Variants in CNTNAP2 observed in about 807,000 individuals in gnomAD.
CNTNAP2 encodes the protein contactin associated protein 2.
Under a neutral mutation model 155.2 loss-of-function variants are expected in CNTNAP2, and 98 were observed. The ratio of observed to expected loss-of-function variants is 0.63; its 90% confidence interval spans 0.54 to 0.75. The LOEUF (loss-of-function observed/expected upper bound fraction) is 0.75. Among genes scored for constraint, CNTNAP2 ranks in the 30% least tolerant of loss-of-function variants. CNTNAP2 has a pLI of 0.00. For missense variants in CNTNAP2, 1,727 were observed against 1,688.1 expected (o/e 1.02, Z -0.40); for synonymous variants, 651 against 631.2 (o/e 1.03, Z -0.47).
chr7:146,550,310 C>T (rs1463126675), intron 1 of CNTNAP2, among the ~76,000 whole-genome samples: 1 of 144,528 alleles, frequency 6.9e-6, no homozygotes, highest in Admixed American at 7.0e-5. Flanking sequence ...TCATCATTGA[C>T]ATTAAAAGGA....
intron 14 of CNTNAP2, among the ~76,000 whole-genome samples, chr7:147,944,790 A>G (rs1304400248): frequency 6.6e-6 from 1 of 152,172 alleles, no homozygotes; most frequent in Admixed American, 6.5e-5. Context: ...TTTGACAATA[A>G]CAAATTATTT....
intron 20 of CNTNAP2, among the ~76,000 whole-genome samples, chr7:148,253,025 G>GATAC (rs1423178088): frequency 7.4e-6 from 1 of 134,454 alleles, no homozygotes; most frequent in Non-Finnish European, 1.6e-5. Flanking sequence ...TAGATAGATA[G>GATAC]ATAGATAGAT....
intron 14 of CNTNAP2, among the ~76,000 whole-genome samples, chr7:147,956,495 G>A (rs993225363): frequency 2.6e-5 from 4 of 152,162 alleles, no homozygotes; most frequent in African/African-American, 9.6e-5. Flanking sequence ...CAATTAGTCT[G>A]AGAAGCCCAT....
At chr7:147,873,327 A>G (rs1328120122) in intron 13 of CNTNAP2, among the ~76,000 whole-genome samples, 1 of 152,230 alleles carries the variant, frequency 6.6e-6, no homozygotes, top group African/African-American at 2.4e-5. Context: ...GACATACCTA[A>G]GACTGGGTAA....
chr7:147,913,644 C>T (rs1469562501), intron 14 of CNTNAP2, among the ~76,000 whole-genome samples: 3 of 152,212 alleles, frequency 2.0e-5, no homozygotes, highest in African/African-American at 7.2e-5. Context: ...TAATACGAGA[C>T]AGAAGGTACT....
rs1280154794 is a variant in CNTNAP2 at position 147,583,531 on chromosome 7, T to TATATATATATATATAA, written c.1897+21275_1897+21276insTATATATATATATAAA. ...ATATATATATATATATATATATATA[T>TATATATATATATATAA]AATGTCAAACAGATTAAAATTAGTT... On this transcript the variant is annotated intron_variant, in intron 12 of 23. Transcript: ENST00000361727. Among the ~76,000 whole-genome samples the TATATATATATATATAA allele has an allele frequency of 2.5e-3, 352 of 140,534 alleles. 1 individual carries two copies. Among genetic ancestry groups the TATATATATATATATAA allele is most frequent in the African/African-American group, 8.9e-3 (336 of 37,806 alleles). The allele number at this position is 140,534 out of a possible 152,430, so 92.2% of individuals were successfully genotyped here. A position where few individuals can be genotyped will look rare whatever the true frequency, so the allele number is the denominator to read the frequency against.
At chr7:147,098,092 G>A (rs1179331193) in intron 4 of CNTNAP2, among the ~76,000 whole-genome samples, 1 of 152,156 alleles carries the variant, frequency 6.6e-6, no homozygotes, top group Non-Finnish European at 1.5e-5. Context: ...TGCCAACACT[G>A]TAAGAACATC....
intron 1 of CNTNAP2, among the ~76,000 whole-genome samples, chr7:146,363,608 C>A (rs141512408): frequency 6.6e-6 from 1 of 152,070 alleles, no homozygotes; most frequent in Admixed American, 6.6e-5. Context: ...GGGGAGAGTC[C>A]TAAGACAAAA....
At chr7:146,977,871 G>A (rs1797942695) in intron 3 of CNTNAP2, among the ~76,000 whole-genome samples, 1 of 152,120 alleles carries the variant, frequency 6.6e-6, no homozygotes, top group Admixed American at 6.6e-5. Flanking sequence ...ATGGAAGAGA[G>A]ATAAGTAAAT....
intron 12 of CNTNAP2, among the ~76,000 whole-genome samples, chr7:147,594,357 C>A (rs1005000982): frequency 1.8e-4 from 28 of 152,162 alleles, no homozygotes; most frequent in Non-Finnish European, 3.1e-4. Flanking sequence ...CAGTGGCTTG[C>A]GTGGTGGCAG....
chr7:146,695,057 C>T (rs1800759242), intron 1 of CNTNAP2, among the ~76,000 whole-genome samples: 1 of 152,080 alleles, frequency 6.6e-6, no homozygotes, highest in South Asian at 2.1e-4. Flanking sequence ...AATTCTTTCT[C>T]CCCAGCCTGT....
chr7:146,818,803 GA>G (rs1364697403), intron 2 of CNTNAP2, among the ~76,000 whole-genome samples: 1 of 151,924 alleles, frequency 6.6e-6, no homozygotes, highest in Non-Finnish European at 1.5e-5. Context: ...AATTGGATAA[GA>G]AAAACGATAT....
At chr7:146,579,735 C>A (rs1247620693) in intron 1 of CNTNAP2, among the ~76,000 whole-genome samples, 3 of 151,978 alleles carry the variant, frequency 2.0e-5, no homozygotes, top group African/African-American at 2.4e-5. Context: ...ATGAATCTAA[C>A]AAACAACCAA....
At chr7:146,776,822 TG>T (rs1802398250) in intron 2 of CNTNAP2, among the ~76,000 whole-genome samples, 1 of 152,220 alleles carries the variant, frequency 6.6e-6, no homozygotes, top group Non-Finnish European at 1.5e-5. Context: ...GAGCTGCTTA[TG>T]TATTTATCTA....
chr7:147,387,807 G>T (rs1796648384), intron 9 of CNTNAP2, among the ~76,000 whole-genome samples: 1 of 152,102 alleles, frequency 6.6e-6, no homozygotes, highest in South Asian at 2.1e-4. Context: ...TTAGATGGGG[G>T]TGGTTTATGA....
chr7:147,506,214 G>T (rs12703925), intron 11 of CNTNAP2, among the ~76,000 whole-genome samples: 6 of 151,860 alleles, frequency 4.0e-5, no homozygotes, highest in Admixed American at 2.6e-4. Context: ...TTGGCCAAAG[G>T]CTCGGGTCCT....
At chr7:146,938,376 TAGTAGA>T (rs201509834) in intron 3 of CNTNAP2, among the ~76,000 whole-genome samples, 5,016 of 130,580 alleles carry the variant, frequency 0.038, 118 homozygotes, top group Middle Eastern at 0.097. Context: ...AATATATAAG[TAGTAGA>T]AGTAGAAGTA....
intron 3 of CNTNAP2, among the ~76,000 whole-genome samples, chr7:146,924,618 G>A (rs993170377): frequency 3.3e-5 from 5 of 151,942 alleles, no homozygotes; most frequent in Non-Finnish European, 5.9e-5. Flanking sequence ...AGTATAAGGT[G>A]ATAAATAGAG....
chr7:148,081,598 G>A (rs188822548), intron 15 of CNTNAP2, among the ~76,000 whole-genome samples: 25 of 151,918 alleles, frequency 1.6e-4, no homozygotes, highest in African/African-American at 4.3e-4. Context: ...TTCAGCTTGC[G>A]GATGGCCTAT....
Sources: gnomAD v4.1 joint callset for allele counts (sites outside exome capture counted in the v4.1 genomes callset) on GRCh38, gnomAD v4.1.1 for gene constraint, MANE v1.5 for transcripts, NCBI Gene and HGNC (gene_info 2026-07-23, HGNC 2026-07-21) for gene names.